The following CLEC16A variants were observed in gnomAD, a reference collection of about 807,000 sequenced individuals.
CLEC16A encodes protein CLEC16A.
CLEC16A carries 51 observed loss-of-function variants against 109.5 expected under a neutral mutation model. The ratio of observed to expected loss-of-function variants is 0.47; its 90% CI spans 0.37 to 0.59. CLEC16A has a LOEUF of 0.59. CLEC16A is among the 20% of genes least tolerant of loss of function. CLEC16A has a pLI of 0.00. For missense variants in CLEC16A, 1,339 were observed against 1,394.0 expected (o/e 0.96, Z 0.63); for synonymous variants, 673 against 564.2 (o/e 1.19, Z -2.73).
chr16:10,962,432 A>C, intron 2 of CLEC16A, 23 bp from the exon 3 acceptor site: 1 of 1,613,704 alleles, frequency 6.2e-7, no homozygotes, highest in Non-Finnish European at 8.5e-7. Context: ...CAAGCCACTG[A>C]TGCTTTTCCA....
At chr16:11,076,105 A>T (rs957901539) in intron 19 of CLEC16A, among the ~76,000 whole-genome samples, 1 of 152,136 alleles carries the variant, frequency 6.6e-6, no homozygotes, top group East Asian at 1.9e-4. Context: ...CTAGGGGGTC[A>T]GCTTCCTCCT....
rs561678818 is a variant in CLEC16A at position 11,167,193 on chromosome 16, G to C, written c.2806+641G>C. On this transcript the variant is annotated intron_variant, in intron 23 of 23. Coordinates refer to ENST00000409790, the MANE Select transcript of CLEC16A (RefSeq NM_015226.3). ...AGCTATTCGCTGTGTGAGATGTGGG[G>C]AAGTACAGACACCAGGCCTCTGGCA... is the stretch of plus-strand genomic sequence containing the variant. Among the ~76,000 whole-genome samples the C allele has an allele frequency of 5.3e-5, 8 of 152,302 alleles. No individual in the cohort carries two copies. The East Asian group carries it at 1.5e-3, about 29-fold the overall frequency.
At position 10,971,105 on chromosome 16, in the gene CLEC16A, C is replaced by T. The variant is rs201388822; in HGVS notation, c.493-20C>T. ...GGCTTATGGGCTTATAATTTGTTTTCGTTATTTCTTTTGTTTTAGCACACC... is the reference window on the plus strand; with the variant it reads ...GGCTTATGGGCTTATAATTTGTTTTTGTTATTTCTTTTGTTTTAGCACACC... On this transcript the variant is annotated intron_variant, in intron 4 of 23. Transcript: ENST00000409790. 186 of 1,545,774 alleles carry T rather than the reference C, an allele frequency of 1.2e-4. No homozygotes were observed. The highest frequency in any genetic ancestry group is 3.4e-4 in the Middle Eastern group (2 of 5,968).
At position 10,979,343 on chromosome 16, in the gene CLEC16A, G is replaced by A. The variant is rs202206000; in HGVS notation, c.918G>A (p.Pro306=). Reference sequence around the variant, plus strand: ...CCCTGCACTAGGGAGGAGAACGGCCGAAAATTAGCCTGCCGGTGTCTCTTT... The same window carrying A: ...CCCTGCACTAGGGAGGAGAACGGCCAAAAATTAGCCTGCCGGTGTCTCTTT... ...LENQDKGGER[P]KISLPVSLYL... Residue 306 remains proline, a synonymous_variant, in exon 9 of 24, where the codon CCG becomes CCA. Coordinates refer to ENST00000409790, the MANE Select transcript of CLEC16A (RefSeq NM_015226.3). 28 of 1,612,534 alleles carry A rather than the reference G, an allele frequency of 1.7e-5. No individual in the cohort carries two copies. Among genetic ancestry groups the A allele is most frequent in the Admixed American group, 3.3e-5 (2 of 59,872 alleles).
chr16:11,009,779 A>G (rs1456862993), intron 11 of CLEC16A, among the ~76,000 whole-genome samples: 1 of 152,236 alleles, frequency 6.6e-6, no homozygotes, highest in African/African-American at 2.4e-5. Context: ...CCCCTGCCTT[A>G]ACATGCAGAG....
intron 22 of CLEC16A, among the ~76,000 whole-genome samples, chr16:11,129,186 C>A (rs1351042260): frequency 6.6e-6 from 1 of 152,172 alleles, no homozygotes; most frequent in Non-Finnish European, 1.5e-5. Context: ...AAAAGTATTA[C>A]AGAACTTAAA....
At chr16:11,053,962 T>G (rs1216735840) in intron 18 of CLEC16A, among the ~76,000 whole-genome samples, 1 of 152,180 alleles carries the variant, frequency 6.6e-6, no homozygotes, top group Non-Finnish European at 1.5e-5. Flanking sequence ...CAAGCAGCAT[T>G]AGGTCAGGTC....
intron 19 of CLEC16A, among the ~76,000 whole-genome samples, chr16:11,092,357 A>AGCAAACACACAC (rs1555485466): frequency 3.0e-5 from 2 of 66,616 alleles, no homozygotes; most frequent in African/African-American, 1.1e-4. Context: ...AACAAACAAA[A>AGCAAACACACAC]ACAAACACAC....
At chr16:11,052,371 G>A (rs2047993994) in intron 18 of CLEC16A, among the ~76,000 whole-genome samples, 1 of 152,146 alleles carries the variant, frequency 6.6e-6, no homozygotes, top group Non-Finnish European at 1.5e-5. Flanking sequence ...TTTATCATCT[G>A]AGTTAATTCG....
intron 1 of CLEC16A, among the ~76,000 whole-genome samples, chr16:10,948,646 G>T (rs901193086): frequency 2.0e-4 from 30 of 152,326 alleles, no homozygotes; most frequent in Middle Eastern, 3.4e-3. Context: ...TTGTGTGGGG[G>T]TCAAGATTTT....
intron 10 of CLEC16A, among the ~76,000 whole-genome samples, chr16:10,993,352 C>T (rs1447132039): frequency 2.0e-5 from 3 of 152,132 alleles, no homozygotes; most frequent in African/African-American, 7.2e-5. Flanking sequence ...GCACTCCAGC[C>T]TGGGCAATAG....
chr16:11,145,580 C>T (rs1280128711), intron 22 of CLEC16A, among the ~76,000 whole-genome samples: 3 of 152,252 alleles, frequency 2.0e-5, no homozygotes, highest in Non-Finnish European at 2.9e-5. Context: ...TGGTCTCTGT[C>T]GCAACAAGCC....
chr16:11,164,069 C>T (rs890277088), intron 22 of CLEC16A, among the ~76,000 whole-genome samples: 9 of 152,172 alleles, frequency 5.9e-5, no homozygotes, highest in African/African-American at 1.9e-4. Context: ...CATAGTTCAT[C>T]TGAGCGGGCC....
At chr16:11,061,988 G>A (rs1489111092) in intron 19 of CLEC16A, among the ~76,000 whole-genome samples, 3 of 152,186 alleles carry the variant, frequency 2.0e-5, no homozygotes, top group Non-Finnish European at 2.9e-5. Flanking sequence ...GATGGAAAGA[G>A]AAGCTTCTCT....
intron 1 of CLEC16A, among the ~76,000 whole-genome samples, chr16:10,953,205 G>A (rs975641234): frequency 2.6e-5 from 4 of 152,352 alleles, no homozygotes; most frequent in Admixed American, 6.5e-5. Context: ...TGAAACTGGA[G>A]TATCCAGAAT....
intron 19 of CLEC16A, among the ~76,000 whole-genome samples, chr16:11,115,940 G>A (rs933818096): frequency 2.0e-5 from 3 of 151,346 alleles, no homozygotes; most frequent in Admixed American, 6.6e-5. Context: ...TGAACTCTTG[G>A]GCTCAAGCAA....
chr16:11,077,505 A>G (rs980406418), intron 19 of CLEC16A, among the ~76,000 whole-genome samples: 3 of 151,418 alleles, frequency 2.0e-5, no homozygotes, highest in African/African-American at 7.3e-5. Context: ...AAAAGAAAAA[A>G]CATTAGCCAG....
intron 19 of CLEC16A, among the ~76,000 whole-genome samples, chr16:11,083,944 A>G (rs7200786): frequency 0.58 from 88,386 of 151,930 alleles, 26,535 homozygotes; most frequent in African/African-American, 0.74. Flanking sequence ...GGAGGTTGGG[A>G]ACCTGAGGGA....
intron 7 of CLEC16A, among the ~76,000 whole-genome samples, chr16:10,975,201 C>T (rs13334117): frequency 0.085 from 12,900 of 152,070 alleles, 1,849 homozygotes; most frequent in African/African-American, 0.29. Context: ...TGGTAGTGCA[C>T]CCCTGTAATC....
Sources: gnomAD v4.1 joint callset for allele counts (sites outside exome capture counted in the v4.1 genomes callset) on GRCh38, gnomAD v4.1.1 for gene constraint, MANE v1.5 for transcripts, NCBI Gene and HGNC (gene_info 2026-07-23, HGNC 2026-07-21) for gene names.